RHBDL2: variants seen among roughly 807,000 people sequenced by gnomAD.
RHBDL2 encodes the protein rhomboid like 2, also known as rhomboid-related protein 2.
A neutral mutation model predicts 31.7 loss-of-function variants in RHBDL2; 26 were observed. The ratio of observed to expected loss-of-function variants is 0.82; its 90% CI spans 0.60 to 1.14. The LOEUF (loss-of-function observed/expected upper bound fraction) is 1.14. Among genes scored for constraint, RHBDL2 ranks in the 50% most tolerant of loss-of-function variants. The pLI is 0.00. For missense variants in RHBDL2, 336 were observed against 364.4 expected, an observed-to-expected ratio of 0.92 and a Z score of 0.63; for synonymous variants, 123 against 127.2, an observed-to-expected ratio of 0.97 and a Z score of 0.22.
intron 3 of RHBDL2, among the ~76,000 whole-genome samples, chr1:38,913,308 A>C (rs1643182480): frequency 1.3e-5 from 2 of 152,032 alleles, no homozygotes; most frequent in South Asian, 4.2e-4. Flanking sequence ...GTACTGCCTT[A>C]CATTGCTATT....
intron 7 of RHBDL2, among the ~76,000 whole-genome samples, chr1:38,887,510 C>T (rs11586205): frequency 3.3e-5 from 5 of 152,250 alleles, no homozygotes; most frequent in African/African-American, 7.2e-5. Flanking sequence ...CTGCAACCTC[C>T]GCCTCCCAGA....
At chr1:38,886,764 C>T in intron 7 of RHBDL2, 81 bp from the exon 8 acceptor site, 1 of 1,153,422 alleles carries the variant, frequency 8.7e-7, no homozygotes, top group Non-Finnish European at 1.2e-6. Flanking sequence ...CTTATTCAAA[C>T]ACAAATACCG....
intron 2 of RHBDL2, among the ~76,000 whole-genome samples, chr1:38,917,675 A>G (rs1467147382): frequency 3.3e-5 from 5 of 152,198 alleles, no homozygotes; most frequent in Non-Finnish European, 7.3e-5. Flanking sequence ...TCTCACAGTG[A>G]AATCCTGTGA....
chr1:38,909,209 ATTT>A (rs1383518954), intron 4 of RHBDL2, among the ~76,000 whole-genome samples: 1 of 152,076 alleles, frequency 6.6e-6, no homozygotes, highest in Non-Finnish European at 1.5e-5. Context: ...AAAATGCAAC[ATTT>A]GGGCAGGAAA....
chr1:38,935,235 TAAGAAAATCTACCTTTATTTTTAA>T lies in RHBDL2; in HGVS notation c.-126+6423_-126+6446del, dbSNP rs541652347. ...CCAAATCAAAGAGATTTTCTGTCCA[TAAGAAAATCTACCTTTATTTTTAA>T]AAGGTTCCATAAATGCATTAATTTG... On this transcript the variant is annotated intron_variant, in intron 1 of 7. Coordinates refer to ENST00000372990, the MANE Select transcript of RHBDL2 (RefSeq NM_017821.5). Among the ~76,000 whole-genome samples, 116 of 152,336 alleles carry T rather than the reference TAAGAAAATCTACCTTTATTTTTAA, an allele frequency of 7.6e-4. 1 individual carries two copies. In the East Asian group the frequency reaches 0.02, roughly 26 times the overall value.
chr1:38,921,122 A>G (rs995096190), intron 1 of RHBDL2, among the ~76,000 whole-genome samples: 1 of 152,136 alleles, frequency 6.6e-6, no homozygotes, highest in African/African-American at 2.4e-5. Flanking sequence ...TTAAAACAGT[A>G]TCTGGGCCGG....
intron 1 of RHBDL2, among the ~76,000 whole-genome samples, chr1:38,938,319 T>A (rs1266592700): frequency 1.3e-5 from 2 of 152,108 alleles, no homozygotes; most frequent in Admixed American, 6.6e-5. Flanking sequence ...CCAGCCAAAA[T>A]CTTTTCAATG....
chr1:38,937,330 T>G (rs780433304), intron 1 of RHBDL2, among the ~76,000 whole-genome samples: 7 of 152,200 alleles, frequency 4.6e-5, no homozygotes, highest in Admixed American at 3.3e-4. Flanking sequence ...GCCTAATCTC[T>G]CTTTACTTGC....
At chr1:38,905,886 T>C (rs1643059062) in intron 4 of RHBDL2, among the ~76,000 whole-genome samples, 1 of 151,206 alleles carries the variant, frequency 6.6e-6, no homozygotes, top group Non-Finnish European at 1.5e-5. Context: ...GCCAACATAA[T>C]GAAACCCCAT....
intron 4 of RHBDL2, among the ~76,000 whole-genome samples, chr1:38,900,575 C>G (rs1265853681): frequency 6.6e-6 from 1 of 151,684 alleles, no homozygotes; most frequent in Non-Finnish European, 1.5e-5. Context: ...GAGCCAAGAT[C>G]CACCACTGCA....
intron 5 of RHBDL2, among the ~76,000 whole-genome samples, chr1:38,893,805 C>CTA (rs1379002269): frequency 6.6e-6 from 1 of 151,980 alleles, no homozygotes; most frequent in Non-Finnish European, 1.5e-5. Context: ...GTGGTGCAAT[C>CTA]TATAGCTCAC....
intron 4 of RHBDL2, among the ~76,000 whole-genome samples, chr1:38,901,555 A>T (rs1642989852): frequency 6.6e-6 from 1 of 151,298 alleles, no homozygotes. Flanking sequence ...ATAAATAAAT[A>T]AATGGGCCAG....
chr1:38,915,780 G>T (rs41270791), intron 2 of RHBDL2, 70 bp from the exon 3 acceptor site: 2 of 1,469,496 alleles, frequency 1.4e-6, no homozygotes, highest in Admixed American at 3.5e-5. Context: ...AAGCCCGTGG[G>T]CAGTAACTGT....
chr1:38,917,118 C>T lies in RHBDL2; in HGVS notation c.247-1408G>A, dbSNP rs373652396. Reference sequence around the variant, plus strand: ...CTGCAAGTTCTGCCTCCTGGGTTCACGCTACTCTCCTGCCTCAGCCTCCCA... The same window carrying T: ...CTGCAAGTTCTGCCTCCTGGGTTCATGCTACTCTCCTGCCTCAGCCTCCCA... On this transcript the variant is annotated intron_variant, in intron 2 of 7. Coordinates refer to ENST00000372990, the MANE Select transcript of RHBDL2 (RefSeq NM_017821.5). Among the ~76,000 whole-genome samples, 317 of 147,998 alleles carry T rather than the reference C, an allele frequency of 2.1e-3. 2 individuals carry two copies. The highest frequency in any genetic ancestry group is 7.0e-3 in the African/African-American group (281 of 40,408).
intron 1 of RHBDL2, among the ~76,000 whole-genome samples, chr1:38,928,054 T>C (rs1218081728): frequency 3.3e-5 from 5 of 152,008 alleles, no homozygotes; most frequent in Non-Finnish European, 5.9e-5. Context: ...AAAATGAAAA[T>C]TTACTCCAGC....
chr1:38,933,197 C>A (rs10749676), intron 1 of RHBDL2, among the ~76,000 whole-genome samples: 88,084 of 151,842 alleles, frequency 0.58, 26,443 homozygotes, highest in Middle Eastern at 0.68. Context: ...TCTTTCTGTT[C>A]CTGGAATACA....
In RHBDL2 at chr1:38,911,358, G is replaced by A. The variant is rs775117865; in HGVS notation, c.472C>T (p.Arg158Cys). 1.2e-5 allele frequency: 19 copies of A among 1,613,582 alleles called. No homozygotes were observed. The highest frequency in any genetic ancestry group is 8.8e-5 in the South Asian group (8 of 91,074). ...CCTGCCAGGTACACCAGCCCCACAC[G>A]GAGGCCTTTGTGGACCATTTCCAAG... ...IPLEMVHKGLRVGLVYLAGVI... is the reference protein window; with the variant it reads ...IPLEMVHKGLCVGLVYLAGVI... Residue 158 changes from arginine (R) to cysteine (C), a missense_variant, in exon 4 of 8, where the codon CGT (arginine) becomes TGT (cysteine). Coordinates refer to ENST00000372990, the MANE Select transcript of RHBDL2 (RefSeq NM_017821.5).
In RHBDL2 at chr1:38,931,371, A is replaced by C. The variant is rs191539805; in HGVS notation, c.-126+10311T>G. Among the ~76,000 whole-genome samples, 602 of 152,130 alleles carry C rather than the reference A, an allele frequency of 4.0e-3. 3 individuals are homozygous for C. Among genetic ancestry groups the C allele is most frequent in the African/African-American group, 0.014 (588 of 41,508 alleles). ...CCCGTCTCTACTAAAAATACAAAAAATTAGCTGGGCGTGTTGGCGGGCGCC... is the reference window on the plus strand; with the variant it reads ...CCCGTCTCTACTAAAAATACAAAAACTTAGCTGGGCGTGTTGGCGGGCGCC... On this transcript the variant is annotated intron_variant, in intron 1 of 7. Transcript: ENST00000372990.
rs41270787 is a variant in RHBDL2, at chr1:38,896,116, G to A, written c.509-47C>T. On this transcript the variant is annotated intron_variant, in intron 4 of 7. Transcript: ENST00000372990. ...GATCAGACATGACTATACGGATCAG[G>A]AAAGATAAATCTTTCTAATCTAAGG... 4,095 of 1,372,290 alleles carry A rather than the reference G, an allele frequency of 3.0e-3. 10 individuals are homozygous for A. The highest frequency in any genetic ancestry group is 3.4e-3 in the Non-Finnish European group (3,277 of 972,062). The allele number at this position is 1,372,290 out of a possible 1,614,324, so 85.0% of individuals were successfully genotyped here. A position where few individuals can be genotyped will look rare whatever the true frequency, so the allele number is the denominator to read the frequency against.
Sources: gnomAD v4.1 joint callset for allele counts (sites outside exome capture counted in the v4.1 genomes callset) on GRCh38, gnomAD v4.1.1 for gene constraint, MANE v1.5 for transcripts, NCBI Gene and HGNC (gene_info 2026-07-23, HGNC 2026-07-21) for gene names.